The following BCAS2 variants were observed in gnomAD, a reference collection of about 807,000 sequenced individuals.
BCAS2 encodes the protein BCAS2 pre-mRNA processing factor, also known as pre-mRNA-splicing factor SPF27.
In BCAS2, 34 loss-of-function variants were observed where a neutral mutation model predicts 35.3. That is an observed-to-expected ratio of 0.96 (90% CI 0.73 to 1.28). The LOEUF (loss-of-function observed/expected upper bound fraction) is 1.28, where lower values mean the gene tolerates loss of function less well. Among genes scored for constraint, BCAS2 ranks in the 50% most tolerant of loss-of-function variants. BCAS2 has a pLI of 0.00. For synonymous variants in BCAS2, 75 were observed against 91.6 expected, an observed-to-expected ratio of 0.82 and a Z score of 1.03; for missense variants, 221 against 268.1, an observed-to-expected ratio of 0.82 and a Z score of 1.23.
At position 114,575,589 on chromosome 1, in the gene BCAS2, C is replaced by T; in HGVS notation, c.419+1G>A. ...CAGAAGATGAAGAAAAAGGTTCTTA[C>T]TCATTGTATACTTTCCAGGCATTAC... On this transcript the variant is annotated splice_donor_variant, in intron 4 of 6. Coordinates refer to ENST00000369541, the MANE Select transcript of BCAS2 (RefSeq NM_005872.3). LOFTEE classifies it high-confidence loss of function. 1 of 1,581,982 alleles carries T rather than the reference C, an allele frequency of 6.3e-7. No homozygotes were observed. The highest frequency in any genetic ancestry group is 8.5e-7 in the Non-Finnish European group (1 of 1,170,908).
At chr1:114,570,158 T>C in intron 5 of BCAS2, 86 bp from the exon 6 acceptor site, 1 of 906,328 alleles carries the variant, frequency 1.1e-6, no homozygotes, top group Non-Finnish European at 1.8e-6. Context: ...GAGAATATCT[T>C]AATCCCATGA....
chr1:114,568,159 T>C lies in BCAS2; in HGVS notation c.649A>G (p.Asn217Asp), dbSNP rs200314574. The stretch of plus-strand genomic sequence containing the variant: ...AAGTCTTGCCGGATGTTTTCTTTGT[T>C]TGCCTCTCCATGTTGCTGCTTAATT... The part of the protein sequence containing the change: ...YQIKQQHGEA[N>D]KENIRQDF Residue 217 changes from asparagine to aspartate, a missense_variant, in exon 7 of 7, where the codon AAC becomes GAC. Transcript: ENST00000369541. The C allele has an allele frequency of 4.3e-5, 70 of 1,613,188 alleles. 2 individuals are homozygous for C. The South Asian group carries it at 7.5e-4, about 17-fold the overall frequency.
intron 2 of BCAS2, 144 bp from the exon 3 acceptor site, chr1:114,576,902 C>G: frequency 1.6e-6 from 1 of 607,744 alleles, no homozygotes; most frequent in Non-Finnish European, 2.9e-6. Flanking sequence ...TAAATGCTCT[C>G]TAGAATCTGA....
Position 114,575,670 on chromosome 1 carries a change from C to A in BCAS2, c.339G>T (p.Gln113His), listed in dbSNP as rs1311585767. The change falls in exon 4 of 7, where the codon CAG becomes CAT. Residue 113 changes from glutamine (Q) to histidine (H), a missense_variant. Transcript: ENST00000369541. ...WQECVNNSMA[Q>H]LEHQAVRIEN... ...CAATTCTAACTGCTTGATGCTCTAA[C>A]TGGGCCATAGAATTGTTTACACATT... 2.5e-6 allele frequency: 4 copies of A among 1,613,254 alleles called. No homozygotes were observed. The highest frequency in any genetic ancestry group is 3.4e-6 in the Non-Finnish European group (4 of 1,179,888).
chr1:114,570,685 GA>G lies in BCAS2; in HGVS notation c.470+14del, dbSNP rs1299111701. The G allele has an allele frequency of 1.3e-6, 2 of 1,556,386 alleles. No homozygotes were observed. The highest frequency in any genetic ancestry group is 8.8e-7 in the Non-Finnish European group (1 of 1,139,224). On this transcript the variant is annotated intron_variant, in intron 5 of 6. Coordinates refer to ENST00000369541, the MANE Select transcript of BCAS2 (RefSeq NM_005872.3). ...TCACTTAAACTTCATTCTGTAATAG[GA>G]AAAAACAATTTACCTTAACTTCTGA... is the stretch of plus-strand genomic sequence containing the variant.
chr1:114,568,176 T>C lies in BCAS2; in HGVS notation c.632A>G (p.Gln211Arg), dbSNP rs1654563272. The C allele has an allele frequency of 6.2e-7, 1 of 1,613,732 alleles. No homozygotes were observed. The highest frequency in any genetic ancestry group is 1.7e-5 in the Admixed American group (1 of 60,036). ...TTCTTTGTTTGCCTCTCCATGTTGC[T>C]GCTTAATTTGATAGATTTCATTTTC... Reference protein sequence around the residue: ...QLENEIYQIKQQHGEANKENI... With the variant: ...QLENEIYQIKRQHGEANKENI... The change falls in exon 7 of 7, where the codon CAG becomes CGG. Residue 211 changes from glutamine to arginine, a missense_variant. Coordinates refer to ENST00000369541, the MANE Select transcript of BCAS2 (RefSeq NM_005872.3).
chr1:114,576,378 T>C (rs980537026), intron 3 of BCAS2, among the ~76,000 whole-genome samples: 1 of 151,360 alleles, frequency 6.6e-6, no homozygotes, highest in African/African-American at 2.4e-5. Context: ...TCCACCTACC[T>C]CAGCTTTCCA....
intron 2 of BCAS2, among the ~76,000 whole-genome samples, chr1:114,578,062 G>C (rs971269901): frequency 6.6e-6 from 1 of 152,074 alleles, no homozygotes; most frequent in Admixed American, 6.6e-5. Context: ...GTGATGGCAC[G>C]TGCCTGTAAT....
intron 4 of BCAS2, among the ~76,000 whole-genome samples, chr1:114,573,612 G>T (rs1002452595): frequency 2.0e-5 from 3 of 152,124 alleles, no homozygotes; most frequent in Non-Finnish European, 2.9e-5. Context: ...ATGGACTATT[G>T]GTTACTTGGC....
chr1:114,576,939 CACTT>C (rs1368822461), intron 2 of BCAS2, among the ~76,000 whole-genome samples, 181 bp from the exon 3 acceptor site: 1 of 152,160 alleles, frequency 6.6e-6, no homozygotes, highest in Non-Finnish European at 1.5e-5. Context: ...CTCACTCACT[CACTT>C]CACATTCAGG....
chr1:114,577,194 G>T (rs551868544), intron 2 of BCAS2, among the ~76,000 whole-genome samples: 239 of 151,844 alleles, frequency 1.6e-3, no homozygotes, highest in African/African-American at 5.2e-3. Context: ...CACCAGAGTG[G>T]GTATGTTATA....
chr1:114,578,553 G>A (rs904407147), intron 2 of BCAS2, among the ~76,000 whole-genome samples: 1 of 152,164 alleles, frequency 6.6e-6, no homozygotes, highest in Non-Finnish European at 1.5e-5. Context: ...TCATGGAGCG[G>A]CAAGGGCAAT....
intron 4 of BCAS2, among the ~76,000 whole-genome samples, chr1:114,575,036 CTTTTT>C (rs546575497): frequency 5.0e-5 from 7 of 140,270 alleles, no homozygotes; most frequent in Non-Finnish European, 9.3e-5. Context: ...GCCGGCTAAT[CTTTTT>C]TTTTTTTTTT....
chr1:114,578,914 T>C (rs1245130689), intron 2 of BCAS2, among the ~76,000 whole-genome samples: 2 of 152,028 alleles, frequency 1.3e-5, no homozygotes, highest in Non-Finnish European at 2.9e-5. Flanking sequence ...CAAACATAGT[T>C]ATATAGTTTA....
chr1:114,575,130 C>T (rs1654729937), intron 4 of BCAS2, among the ~76,000 whole-genome samples: 1 of 150,964 alleles, frequency 6.6e-6, no homozygotes, highest in South Asian at 2.1e-4. Flanking sequence ...CCTCGGCCTC[C>T]TGAAGTGCTG....
chr1:114,570,726 G>T lies in BCAS2; in HGVS notation c.444C>A (p.His148Gln). The T allele has an allele frequency of 6.3e-7, 1 of 1,592,214 alleles. No individual in the cohort carries two copies. Among genetic ancestry groups the T allele is most frequent in the Non-Finnish European group, 8.6e-7 (1 of 1,165,544 alleles). ...YNENLVHMIE[H>Q]AQKELQKLRK... The stretch of plus-strand genomic sequence containing the variant: ...TTAACTTCTGAAGTTCCTTCTGTGC[G>T]TGTTCAATCATATGAACTAGATTTC... The change falls in exon 5 of 7, where the codon CAC becomes CAA. Residue 148 changes from histidine (H) to glutamine (Q), a missense_variant. Coordinates refer to ENST00000369541, the MANE Select transcript of BCAS2 (RefSeq NM_005872.3).
At chr1:114,579,041 C>T (rs1654828940) in intron 2 of BCAS2, among the ~76,000 whole-genome samples, 2 of 152,202 alleles carry the variant, frequency 1.3e-5, no homozygotes, top group Admixed American at 6.5e-5. Context: ...TTTGGGAGGC[C>T]GAGGCAGGTG....
chr1:114,573,122 CAAAAAAAAAAAAA>C (rs34796829), intron 4 of BCAS2, among the ~76,000 whole-genome samples: 1 of 6,366 alleles, frequency 1.6e-4, no homozygotes, highest in Non-Finnish European at 2.7e-4. Flanking sequence ...CCCCCACCTC[CAAAAAAAAAAAAA>C]AAAAAAAAAA....
At position 114,576,222 on chromosome 1, in the gene BCAS2, C is replaced by CCTCT. The variant is rs71580638; in HGVS notation, c.257+462_257+465dup. Among the ~76,000 whole-genome samples, 792 of 134,986 alleles carry CCTCT rather than the reference C, an allele frequency of 5.9e-3. 3 individuals carry two copies. Among genetic ancestry groups the CCTCT allele is most frequent in the Middle Eastern group, 0.011 (3 of 268 alleles). The allele number at this position is 134,986 out of a possible 152,430, so 88.6% of individuals were successfully genotyped here. ...CTACCCAGTCAGTCCTTCAACACTG[C>CCTCT]CTCTCTCTCTCTCTCTCTCTCTCTC... On this transcript the variant is annotated intron_variant, in intron 3 of 6. Transcript: ENST00000369541.
Sources: allele counts gnomAD v4.1 joint callset (sites outside exome capture counted in the v4.1 genomes callset), GRCh38; gene constraint gnomAD v4.1.1; transcripts MANE v1.5; gene names NCBI Gene and HGNC (gene_info 2026-07-23, HGNC 2026-07-21).